The following PBX3 variants were observed in gnomAD, a reference collection of about 807,000 sequenced individuals.
The protein encoded by PBX3 is pre-B-cell leukemia transcription factor 3.
In PBX3, 14 loss-of-function variants were observed where a neutral mutation model predicts 48.5. The observed-to-expected ratio is 0.29, with a 90% CI of 0.19 to 0.45. The LOEUF (loss-of-function observed/expected upper bound fraction) is 0.45. Among genes scored for constraint, PBX3 ranks in the 20% least tolerant of loss-of-function variants. PBX3 has a pLI of 1.00. For synonymous variants in PBX3, 210 were observed against 200.3 expected, an observed-to-expected ratio of 1.05 and a Z score of -0.41; for missense variants, 386 against 546.7, an observed-to-expected ratio of 0.71 and a Z score of 2.93.
intron 5 of PBX3, among the ~76,000 whole-genome samples, chr9:125,950,480 T>G (rs1279183600): frequency 9.4e-5 from 9 of 95,578 alleles, no homozygotes; most frequent in Non-Finnish European, 2.1e-4. Context: ...AATTTGCAAC[T>G]TCTTTTTTTT....
At chr9:125,752,653 G>C (rs1041239188) in intron 2 of PBX3, among the ~76,000 whole-genome samples, 1 of 152,040 alleles carries the variant, frequency 6.6e-6, no homozygotes, top group African/African-American at 2.4e-5. Context: ...CTCTTTTTAA[G>C]GTTTCAATAT....
At chr9:125,802,351 A>G (rs1008154227) in intron 2 of PBX3, among the ~76,000 whole-genome samples, 1 of 117,642 alleles carries the variant, frequency 8.5e-6, no homozygotes, top group African/African-American at 3.3e-5. Context: ...TTGTGAGAAC[A>G]TTAGTGCATT....
intron 2 of PBX3, among the ~76,000 whole-genome samples, chr9:125,897,171 A>C (rs1840794465): frequency 7.1e-6 from 1 of 140,540 alleles, no homozygotes; most frequent in African/African-American, 2.7e-5. Context: ...TTCCTGTGCA[A>C]ACATGACATT....
intron 4 of PBX3, among the ~76,000 whole-genome samples, chr9:125,931,869 T>G (rs1465422322): frequency 2.0e-5 from 3 of 152,308 alleles, no homozygotes; most frequent in East Asian, 3.9e-4. Context: ...AGATTTTTAT[T>G]TAAACTAACA....
At chr9:125,804,709 C>T (rs1401602503) in intron 2 of PBX3, among the ~76,000 whole-genome samples, 1 of 152,024 alleles carries the variant, frequency 6.6e-6, no homozygotes, top group Admixed American at 6.5e-5. Flanking sequence ...GAGGCCGAGG[C>T]AGGTGGATCA....
chr9:125,825,532 G>A (rs1369536383), intron 2 of PBX3, among the ~76,000 whole-genome samples: 1 of 147,850 alleles, frequency 6.8e-6, no homozygotes, highest in Non-Finnish European at 1.5e-5. Flanking sequence ...TTCAACAGCT[G>A]TTTTCTCATA....
intron 2 of PBX3, among the ~76,000 whole-genome samples, chr9:125,776,335 T>C (rs926280231): frequency 6.6e-5 from 10 of 152,228 alleles, no homozygotes; most frequent in African/African-American, 2.2e-4. Flanking sequence ...GTTTTTTTTT[T>C]CATCCTTGAT....
chr9:125,754,154 T>C (rs1439461645), intron 2 of PBX3, among the ~76,000 whole-genome samples: 2 of 152,134 alleles, frequency 1.3e-5, no homozygotes, highest in Non-Finnish European at 2.9e-5. Flanking sequence ...CTTTTCCCTA[T>C]TCGTGTTTGT....
intron 8 of PBX3, among the ~76,000 whole-genome samples, chr9:125,964,119 C>T (rs1021330882): frequency 6.6e-6 from 1 of 152,130 alleles, no homozygotes; most frequent in African/African-American, 2.4e-5. Context: ...CAGCATTTTA[C>T]AGACATGAAT....
At chr9:125,752,280 C>CTTCT (rs999620535) in intron 2 of PBX3, among the ~76,000 whole-genome samples, 34 of 152,300 alleles carry the variant, frequency 2.2e-4, no homozygotes, top group African/African-American at 8.2e-4. Flanking sequence ...ACTTAATGAA[C>CTTCT]TTCTCTACTG....
chr9:125,889,761 G>T (rs1012757882), intron 2 of PBX3, among the ~76,000 whole-genome samples: 29 of 150,522 alleles, frequency 1.9e-4, no homozygotes, highest in African/African-American at 6.5e-4. Flanking sequence ...CCGCGGCGGG[G>T]AGCGGGGCCG....
At chr9:125,827,042 C>A (rs1389386975) in intron 2 of PBX3, among the ~76,000 whole-genome samples, 1 of 152,140 alleles carries the variant, frequency 6.6e-6, no homozygotes, top group Non-Finnish European at 1.5e-5. Flanking sequence ...CCACCCACAC[C>A]CCTCCCAGTC....
At chr9:125,864,669 T>C (rs1220614381) in intron 2 of PBX3, among the ~76,000 whole-genome samples, 2 of 152,212 alleles carry the variant, frequency 1.3e-5, no homozygotes, top group African/African-American at 4.8e-5. Flanking sequence ...TTCATGGTCC[T>C]GTGAGAATCT....
chr9:125,769,482 C>G (rs529466356), intron 2 of PBX3, among the ~76,000 whole-genome samples: 1 of 152,262 alleles, frequency 6.6e-6, no homozygotes, highest in Non-Finnish European at 1.5e-5. Context: ...TCTGTAATAT[C>G]TATACAGAAA....
chr9:125,953,931 G>A (rs983075212), intron 5 of PBX3, among the ~76,000 whole-genome samples: 1 of 152,210 alleles, frequency 6.6e-6, no homozygotes, highest in East Asian at 1.9e-4. Context: ...GAGGACTCAG[G>A]TATGCACGGT....
intron 2 of PBX3, among the ~76,000 whole-genome samples, chr9:125,897,890 A>G (rs1347736321): frequency 6.6e-6 from 1 of 151,892 alleles, no homozygotes. Context: ...TTTAAAGTAT[A>G]CTTATTTCAC....
intron 2 of PBX3, among the ~76,000 whole-genome samples, chr9:125,897,141 G>GTTTTTT (rs371641194): frequency 7.3e-5 from 8 of 108,904 alleles, no homozygotes; most frequent in African/African-American, 1.1e-4. Flanking sequence ...TTCATTTGTG[G>GTTTTTT]TTTTTTTTTT....
intron 3 of PBX3, 130 bp downstream of exon 3, chr9:125,916,057 A>G (rs1841325730): frequency 1.5e-6 from 2 of 1,319,616 alleles, no homozygotes; most frequent in Non-Finnish European, 2.0e-6. Context: ...AGGTCAGTGC[A>G]AAAATCCAAG....
chr9:125,843,132 C>T (rs1336184073), intron 2 of PBX3, among the ~76,000 whole-genome samples: 2 of 152,152 alleles, frequency 1.3e-5, no homozygotes, highest in East Asian at 3.9e-4. Flanking sequence ...CCTAAAATAT[C>T]CACAAACCTA....
Sources: gnomAD v4.1 joint callset for allele counts (sites outside exome capture counted in the v4.1 genomes callset) on GRCh38, gnomAD v4.1.1 for gene constraint, MANE v1.5 for transcripts, NCBI Gene and HGNC (gene_info 2026-07-23, HGNC 2026-07-21) for gene names.